The following SGCZ variants were observed in gnomAD, a reference collection of about 807,000 sequenced individuals.
SGCZ encodes sarcoglycan zeta, also known as zeta-sarcoglycan.
Under a neutral mutation model 41.3 loss-of-function variants are expected in SGCZ, and 40 were observed. That is an observed-to-expected ratio of 0.97 (90% CI 0.75 to 1.26). The LOEUF (loss-of-function observed/expected upper bound fraction) is 1.26, where lower values mean the gene tolerates loss of function less well. Ranked by LOEUF, SGCZ falls within the 50% of genes most tolerant of loss-of-function variation. SGCZ has a pLI of 0.00. For missense variants in SGCZ, 552 were observed against 369.8 expected (o/e 1.49, Z -4.04); for synonymous variants, 206 against 137.5 (o/e 1.50, Z -3.49).
chr8:14,174,936 A>C (rs1482681428), intron 4 of SGCZ, among the ~76,000 whole-genome samples: 1 of 152,072 alleles, frequency 6.6e-6, no homozygotes, highest in Non-Finnish European at 1.5e-5. Flanking sequence ...GTGTGTCCAA[A>C]TTTCCTGATT....
At chr8:14,548,821 C>T (rs1199162942) in intron 2 of SGCZ, among the ~76,000 whole-genome samples, 1 of 152,068 alleles carries the variant, frequency 6.6e-6, no homozygotes, top group Non-Finnish European at 1.5e-5. Flanking sequence ...ATTGGGTCAA[C>T]AATTTTCTCA....
At chr8:14,151,686 G>A (rs577154722) in intron 5 of SGCZ, among the ~76,000 whole-genome samples, 6 of 152,180 alleles carry the variant, frequency 3.9e-5, no homozygotes, top group East Asian at 1.9e-4. Context: ...ACAGTTGGAG[G>A]AATCACTTTA....
chr8:14,764,243 A>AAATC (rs1416646422), intron 1 of SGCZ, among the ~76,000 whole-genome samples: 3 of 152,352 alleles, frequency 2.0e-5, no homozygotes, highest in Middle Eastern at 3.4e-3. Flanking sequence ...AGAACTTTTA[A>AAATC]AATCACCCTT....
At chr8:14,801,404 T>C (rs1458038843) in intron 1 of SGCZ, among the ~76,000 whole-genome samples, 1 of 152,166 alleles carries the variant, frequency 6.6e-6, no homozygotes, top group Non-Finnish European at 1.5e-5. Context: ...TTTTAGAATA[T>C]TTACAAAGCA....
intron 1 of SGCZ, among the ~76,000 whole-genome samples, chr8:14,888,401 G>C (rs73666916): frequency 1.3e-5 from 2 of 152,050 alleles, no homozygotes; most frequent in African/African-American, 4.8e-5. Flanking sequence ...TAACCCTCTT[G>C]CACTTGAACC....
chr8:14,831,794 ACACATACATGTATATATGTGTG>A (rs141371047), intron 1 of SGCZ, among the ~76,000 whole-genome samples: 8,818 of 150,702 alleles, frequency 0.059, 351 homozygotes, highest in African/African-American at 0.11. Flanking sequence ...ATATGTGTGT[ACACATACATGTATATATGTGTG>A]CACATACATG....
intron 2 of SGCZ, among the ~76,000 whole-genome samples, chr8:14,356,398 T>A (rs1372930670): frequency 1.3e-5 from 2 of 152,096 alleles, no homozygotes; most frequent in Non-Finnish European, 2.9e-5. Context: ...AATTCCTACA[T>A]GCTAGAGAAA....
intron 4 of SGCZ, among the ~76,000 whole-genome samples, chr8:14,212,924 A>G (rs1805865371): frequency 6.6e-6 from 1 of 152,154 alleles, no homozygotes; most frequent in Non-Finnish European, 1.5e-5. Context: ...ATGGAAATAA[A>G]AACAAAATGA....
chr8:14,156,621 C>T (rs1803884040), intron 5 of SGCZ, among the ~76,000 whole-genome samples: 1 of 152,138 alleles, frequency 6.6e-6, no homozygotes, highest in Non-Finnish European at 1.5e-5. Context: ...CTGTACAAAA[C>T]TAAACTATTT....
chr8:15,193,213 T>C (rs1027196609), intron 1 of SGCZ, among the ~76,000 whole-genome samples: 2 of 152,080 alleles, frequency 1.3e-5, no homozygotes, highest in East Asian at 1.9e-4. Flanking sequence ...ACGATGATAA[T>C]AGCATTCACC....
At chr8:14,514,315 G>A (rs780933340) in intron 2 of SGCZ, among the ~76,000 whole-genome samples, 1 of 152,092 alleles carries the variant, frequency 6.6e-6, no homozygotes, top group South Asian at 2.1e-4. Flanking sequence ...GATATAAATA[G>A]GCTTATTTTT....
At chr8:14,140,516 T>A (rs1487866714) in intron 5 of SGCZ, among the ~76,000 whole-genome samples, 2 of 152,156 alleles carry the variant, frequency 1.3e-5, no homozygotes, top group Non-Finnish European at 1.5e-5. Flanking sequence ...AGCATTCTTA[T>A]ACATCAATAA....
At chr8:14,357,196 T>C (rs890964486) in intron 2 of SGCZ, among the ~76,000 whole-genome samples, 1 of 152,200 alleles carries the variant, frequency 6.6e-6, no homozygotes, top group African/African-American at 2.4e-5. Flanking sequence ...TACTTTCAAA[T>C]ACTGCTAAAT....
intron 2 of SGCZ, among the ~76,000 whole-genome samples, chr8:14,450,339 T>A (rs1263705317): frequency 1.3e-5 from 2 of 152,226 alleles, no homozygotes; most frequent in Non-Finnish European, 2.9e-5. Context: ...CATATACGTG[T>A]TTCATTTCAG....
chr8:14,435,422 T>A (rs140623914), intron 2 of SGCZ, among the ~76,000 whole-genome samples: 1 of 152,178 alleles, frequency 6.6e-6, no homozygotes, highest in Non-Finnish European at 1.5e-5. Flanking sequence ...AGCATTAGTT[T>A]TAATTGTTTA....
intron 1 of SGCZ, among the ~76,000 whole-genome samples, chr8:14,682,549 C>T (rs530066718): frequency 2.0e-5 from 3 of 152,092 alleles, no homozygotes; most frequent in African/African-American, 7.2e-5. Context: ...ATCCTCCTGC[C>T]TCAGCCTCCT....
chr8:14,389,768 A>G (rs944615424), intron 2 of SGCZ, among the ~76,000 whole-genome samples: 3 of 152,072 alleles, frequency 2.0e-5, no homozygotes, highest in East Asian at 3.9e-4. Flanking sequence ...CTGAGCAAGT[A>G]TTTTTCAATT....
chr8:14,218,557 T>G (rs1373585911), intron 4 of SGCZ, among the ~76,000 whole-genome samples: 3 of 152,208 alleles, frequency 2.0e-5, no homozygotes, highest in African/African-American at 4.8e-5. Flanking sequence ...ATTGTTTAAA[T>G]TTTGTGTGAC....
intron 2 of SGCZ, among the ~76,000 whole-genome samples, chr8:14,406,370 T>C (rs1415880856): frequency 6.6e-6 from 1 of 152,172 alleles, no homozygotes; most frequent in Admixed American, 6.5e-5. Flanking sequence ...ATGGCTGAAA[T>C]TTTTTATCAG....
Sources: allele counts gnomAD v4.1 joint callset (sites outside exome capture counted in the v4.1 genomes callset), GRCh38; gene constraint gnomAD v4.1.1; transcripts MANE v1.5; gene names NCBI Gene and HGNC (gene_info 2026-07-23, HGNC 2026-07-21).